ZRANB3: variants seen among roughly 807,000 people sequenced by gnomAD.
The protein encoded by ZRANB3 is zinc finger RANBP2-type containing 3.
A neutral mutation model predicts 133.8 loss-of-function variants in ZRANB3; 125 were observed. That is an observed-to-expected ratio of 0.93 (90% CI 0.81 to 1.08). The LOEUF is 1.08. ZRANB3 is among the 50% of genes least tolerant of loss of function. ZRANB3 has a pLI of 0.00. For missense variants in ZRANB3, 1,229 were observed against 1,275.5 expected (o/e 0.96, Z 0.56); for synonymous variants, 387 against 432.7 (o/e 0.89, Z 1.31).
intron 8 of ZRANB3, among the ~76,000 whole-genome samples, chr2:135,286,768 A>AT (rs1216727383): frequency 6.6e-6 from 1 of 151,592 alleles, no homozygotes; most frequent in Admixed American, 6.6e-5. Flanking sequence ...GATTATTATT[A>AT]TTATTTTTTT....
In ZRANB3 at chr2:135,275,670, A is replaced by AGCAT; in HGVS notation, c.1048_1051dup (p.Leu351HisfsTer13). The AGCAT allele has an allele frequency of 6.2e-7, 1 of 1,606,916 alleles. No individual in the cohort carries two copies. Among genetic ancestry groups the AGCAT allele is most frequent in the Non-Finnish European group, 8.5e-7 (1 of 1,176,364 alleles). On this transcript the variant is annotated frameshift_variant, in exon 9 of 21. Coordinates refer to ENST00000264159, the MANE Select transcript of ZRANB3 (RefSeq NM_032143.4). LOFTEE classifies it high-confidence loss of function. ...GATGACTGCTTCTGTGCAAGCTTGG[A>AGCAT]GCATGCTTAAATGGTGAGCAAAAAC...
At chr2:135,396,629 G>T (rs1443589316) in intron 2 of ZRANB3, among the ~76,000 whole-genome samples, 3 of 152,148 alleles carry the variant, frequency 2.0e-5, no homozygotes, top group Non-Finnish European at 4.4e-5. Flanking sequence ...CTGAACTCAT[G>T]GAGATAGAGA....
intron 8 of ZRANB3, among the ~76,000 whole-genome samples, chr2:135,297,373 A>C: frequency 6.6e-6 from 1 of 152,186 alleles, no homozygotes; most frequent in Non-Finnish European, 1.5e-5. Context: ...TGACCCTCCG[A>C]GACAGGTGCG....
rs769887849 is a variant in ZRANB3, at chr2:135,207,660, G to C, written c.2783C>G (p.Ala928Gly). The C allele has an allele frequency of 8.7e-6, 14 of 1,613,844 alleles. No homozygotes were observed. The highest frequency in any genetic ancestry group is 1.2e-5 in the Non-Finnish European group (14 of 1,179,884). ...GCAAAACCGTGAATCCCAAGAGTTC[G>C]CTTTACATGCTTGCTTAGTCTGGCA... is the stretch of plus-strand genomic sequence containing the variant. ...PTCQTKQACK[A>G]NSWDSRFCSL... Residue 928 changes from alanine (A) to glycine (G), a missense_variant, in exon 19 of 21, where the codon GCG (alanine) becomes GGG (glycine). Physicochemically the swap from Ala to Gly is moderately conservative, Grantham distance 60. Coordinates refer to ENST00000264159, the MANE Select transcript of ZRANB3 (RefSeq NM_032143.4).
chr2:135,483,361 G>A (rs897101433), intron 2 of ZRANB3, among the ~76,000 whole-genome samples: 13 of 152,122 alleles, frequency 8.5e-5, no homozygotes, highest in African/African-American at 2.9e-4. Context: ...TGTATTTGTC[G>A]AGGAATTTAT....
intron 6 of ZRANB3, among the ~76,000 whole-genome samples, chr2:135,341,320 C>A (rs773023695): frequency 6.7e-6 from 1 of 149,974 alleles, no homozygotes; most frequent in Non-Finnish European, 1.5e-5. Context: ...GAAGCCACAG[C>A]AGAAGAACAT....
chr2:135,463,579 G>A lies in ZRANB3; in HGVS notation c.161+40750C>T, dbSNP rs573823770. 8.4e-4 allele frequency among the ~76,000 whole-genome samples: 127 copies of A among 152,004 alleles called. 1 individual carries two copies. The highest frequency in any genetic ancestry group is 2.7e-3 in the African/African-American group (110 of 41,454). ...ATTCCAGGCACCTGCCACCACGCCC[G>A]GCTAATTTTTTGTTTATCGTAGAGT... On this transcript the variant is annotated intron_variant, in intron 2 of 20. Transcript: ENST00000264159.
chr2:135,382,049 T>G (rs1686728232), intron 3 of ZRANB3, among the ~76,000 whole-genome samples: 1 of 152,088 alleles, frequency 6.6e-6, no homozygotes, highest in Non-Finnish European at 1.5e-5. Context: ...TTCTTCGAGC[T>G]AAAGGAGGAA....
intron 2 of ZRANB3, among the ~76,000 whole-genome samples, chr2:135,492,729 A>C (rs1692446981): frequency 6.6e-6 from 1 of 152,148 alleles, no homozygotes. Flanking sequence ...AGGTGTCTAC[A>C]GAAGCCACCA....
At chr2:135,395,650 G>A (rs1265923423) in intron 2 of ZRANB3, among the ~76,000 whole-genome samples, 2 of 151,938 alleles carry the variant, frequency 1.3e-5, no homozygotes. Context: ...TTGAGACGGG[G>A]TTTCACCATT....
At chr2:135,292,713 G>C (rs971959923) in intron 8 of ZRANB3, among the ~76,000 whole-genome samples, 18 of 152,164 alleles carry the variant, frequency 1.2e-4, no homozygotes, top group African/African-American at 2.2e-4. Context: ...TCTTCTAGGG[G>C]TTTTATGGTT....
intron 1 of ZRANB3, among the ~76,000 whole-genome samples, chr2:135,518,334 T>C (rs1693785210): frequency 6.6e-6 from 1 of 152,144 alleles, no homozygotes; most frequent in Non-Finnish European, 1.5e-5. Flanking sequence ...TAGCTTGGTG[T>C]CTGCCCAAAG....
At chr2:135,260,566 A>AT (rs1404669630) in intron 12 of ZRANB3, among the ~76,000 whole-genome samples, 6 of 149,602 alleles carry the variant, frequency 4.0e-5, no homozygotes, top group Non-Finnish European at 7.4e-5. Context: ...ATACTTGAAT[A>AT]ATATATATTC....
At chr2:135,335,650 A>C (rs1273297184) in intron 6 of ZRANB3, among the ~76,000 whole-genome samples, 9 of 152,112 alleles carry the variant, frequency 5.9e-5, no homozygotes. Flanking sequence ...CAGAGATTGC[A>C]CCACTGCACT....
At chr2:135,383,883 G>C (rs912403245) in intron 3 of ZRANB3, among the ~76,000 whole-genome samples, 2 of 151,858 alleles carry the variant, frequency 1.3e-5, no homozygotes, top group Non-Finnish European at 2.9e-5. Flanking sequence ...TGCCCACAAG[G>C]GACAGCAGGA....
chr2:135,272,396 T>C (rs1198221812), intron 9 of ZRANB3, among the ~76,000 whole-genome samples: 1 of 149,696 alleles, frequency 6.7e-6, no homozygotes, highest in Non-Finnish European at 1.5e-5. Context: ...ATCCCAAATA[T>C]TAACTGGGAA....
intron 3 of ZRANB3, among the ~76,000 whole-genome samples, chr2:135,360,666 C>T (rs79103698): frequency 1.3e-5 from 2 of 152,290 alleles, no homozygotes; most frequent in South Asian, 2.1e-4. Context: ...GATTGTGCCA[C>T]TGCACTCCTG....
intron 12 of ZRANB3, chr2:135,238,946 C>T (rs1440238975): frequency 2.0e-5 from 3 of 152,152 alleles, no homozygotes; most frequent in Admixed American, 6.6e-5. Flanking sequence ...CCATCAAGGG[C>T]CACAGTCATC....
rs145251505 is a variant in ZRANB3, at chr2:135,382,072, T to C, written c.180+8730A>G. Among the ~76,000 whole-genome samples, 1,148 of 152,122 alleles carry C rather than the reference T, an allele frequency of 7.5e-3. 35 individuals carry two copies. The highest frequency in any genetic ancestry group is 0.061 in the Admixed American group (925 of 15,278). On this transcript the variant is annotated intron_variant, in intron 3 of 20. Coordinates refer to ENST00000264159, the MANE Select transcript of ZRANB3 (RefSeq NM_032143.4). Reference sequence around the variant, plus strand: ...GCTAAAGGAGGAAGTACGAACCCAATGCAAAGAACTTAAAAACCTTGAAAA... The same window carrying C: ...GCTAAAGGAGGAAGTACGAACCCAACGCAAAGAACTTAAAAACCTTGAAAA...
Sources: allele counts gnomAD v4.1 joint callset (sites outside exome capture counted in the v4.1 genomes callset), GRCh38; gene constraint gnomAD v4.1.1; transcripts MANE v1.5; gene names NCBI Gene and HGNC (gene_info 2026-07-23, HGNC 2026-07-21).